TIMELESS: variants seen among roughly 807,000 people sequenced by gnomAD.
TIMELESS encodes the protein protein timeless homolog.
Under a neutral mutation model 164.3 loss-of-function variants are expected in TIMELESS, and 124 were observed. The ratio of observed to expected loss-of-function variants is 0.75; its 90% CI spans 0.65 to 0.88. TIMELESS has a LOEUF of 0.88. Ranked by LOEUF, TIMELESS falls within the 40% of genes least tolerant of loss-of-function variation. The probability of loss-of-function intolerance (pLI) is 0.00; values close to 1 mark genes in which losing one functional copy is unlikely to be tolerated. For missense variants in TIMELESS, 1,422 were observed against 1,491.4 expected (o/e 0.95, Z 0.77); for synonymous variants, 564 against 563.4 (o/e 1.00, Z -0.02).
chr12:56,425,662 G>A (rs1261007775), intron 13 of TIMELESS, among the ~76,000 whole-genome samples: 2 of 152,072 alleles, frequency 1.3e-5, no homozygotes, highest in African/African-American at 4.8e-5. Context: ...ATCGCTTGAG[G>A]TCAGGAGTTC....
At position 56,416,596 on chromosome 12, in the gene TIMELESS, C is replaced by G. The variant is rs553071747; in HGVS notation, c.*1120G>C. ...AGCTGGCTTCTCTTCCTTTATGGCTCCTCCTTCTTCCTGCCGCATACTCTT... is the reference window on the plus strand; with the variant it reads ...AGCTGGCTTCTCTTCCTTTATGGCTGCTCCTTCTTCCTGCCGCATACTCTT... On this transcript the variant is annotated 3_prime_UTR_variant, in exon 29 of 29. Coordinates refer to ENST00000553532, the MANE Select transcript of TIMELESS (RefSeq NM_003920.5). The G allele has an allele frequency of 5.3e-5, 8 of 152,346 alleles. No homozygotes were observed. In the East Asian group the frequency reaches 1.5e-3, roughly 29 times the overall value. The allele number at this position is 152,346 out of a possible 1,614,324, so 9.4% of individuals were successfully genotyped here. A position where few individuals can be genotyped will look rare whatever the true frequency, so the allele number is the denominator to read the frequency against.
chr12:56,417,732 T>A lies in TIMELESS; in HGVS notation c.3611A>T (p.Asp1204Val). ...IQKKKRYQIEDDEDD is the reference protein window; with the variant it reads ...IQKKKRYQIEVDEDD ...CTTAGCTCTTCAGTCATCCTCATCA[T>A]CCTCAATCTGGTATCGTTTCTTCTT... Residue 1204 changes from aspartate to valine, a missense_variant, in exon 29 of 29, where the codon GAT (aspartate) becomes GTT (valine). By Grantham distance (152) the Asp-to-Val change is radical. Transcript: ENST00000553532. 6.2e-7 allele frequency: 1 copy of A among 1,614,184 alleles called. No individual in the cohort carries two copies. The highest frequency in any genetic ancestry group is 8.5e-7 in the Non-Finnish European group (1 of 1,180,030).
rs775047421 is a variant in TIMELESS, at chr12:56,420,616, G to T, written c.3181C>A (p.Gln1061Lys). Residue 1061 changes from glutamine (Q) to lysine (K), a missense_variant, in exon 26 of 29, where the codon CAG becomes AAG. Transcript: ENST00000553532. ...NEEAMENEQF[Q>K]QLLRKLGVRP... ...ACCCCTAGCTTGCGCAACAGCTGCT[G>T]AAACTGTTCGTTTTCCATGGCTTCC... 1.2e-6 allele frequency: 2 copies of T among 1,614,250 alleles called. No individual in the cohort carries two copies. Among genetic ancestry groups the T allele is most frequent in the Non-Finnish European group, 1.7e-6 (2 of 1,180,050 alleles).
chr12:56,434,126 A>G lies in TIMELESS; in HGVS notation c.45T>C (p.Ser15=). Residue 15 remains serine (S), a synonymous_variant, in exon 2 of 29, where the codon AGT becomes AGC. Transcript: ENST00000553532. ...MMNCELLATC[S]ALGYLEGDTY... is the part of the protein sequence containing the mutation. The stretch of plus-strand genomic sequence containing the variant: ...TGTCTCCCTCCAAGTACCCAAGGGC[A>G]CTACATGTGGCTAGAAGTTCACAGT... 2.5e-6 allele frequency: 4 copies of G among 1,614,226 alleles called. No homozygotes were observed. Among genetic ancestry groups the G allele is most frequent in the Non-Finnish European group, 3.4e-6 (4 of 1,180,048 alleles).
rs762555654 is a variant in TIMELESS, at chr12:56,422,840, A to C, written c.2438+7T>G. 1.1e-4 allele frequency: 177 copies of C among 1,597,046 alleles called. 1 individual carries two copies. Among genetic ancestry groups the C allele is most frequent in the Non-Finnish European group, 1.5e-4 (171 of 1,170,174 alleles). The stretch of plus-strand genomic sequence containing the variant: ...CCCCACCCACCCTTTGCCAACTTCA[A>C]GCTCACCTGTCATCCAGGGAGCCAT... On this transcript the variant is annotated splice_region_variant and intron_variant, in intron 19 of 28. Coordinates refer to ENST00000553532, the MANE Select transcript of TIMELESS (RefSeq NM_003920.5).
intron 1 of TIMELESS, among the ~76,000 whole-genome samples, chr12:56,434,958 C>T (rs1882021837): frequency 6.6e-6 from 1 of 152,210 alleles, no homozygotes; most frequent in South Asian, 2.1e-4. Context: ...GAGAGGACTA[C>T]TTGCGCCTAG....
Position 56,421,145 on chromosome 12 carries a change from T to C in TIMELESS, c.2869-11A>G, listed in dbSNP as rs577913003. 28 of 1,613,296 alleles carry C rather than the reference T, an allele frequency of 1.7e-5. No homozygotes were observed. Among genetic ancestry groups the C allele is most frequent in the African/African-American group, 6.7e-5 (5 of 74,750 alleles). On this transcript the variant is annotated splice_polypyrimidine_tract_variant and intron_variant, in intron 23 of 28. Transcript: ENST00000553532. ...CTCCGCTCCATTTGGCTAAAATTCA[T>C]TGGGGGTTGGGGGAATGAAAATGAA...
rs1452572930 is a variant in TIMELESS at position 56,432,518 on chromosome 12, C to T, written c.538G>A (p.Asp180Asn). 2 of 1,613,626 alleles carry T rather than the reference C, an allele frequency of 1.2e-6. No homozygotes were observed. Among genetic ancestry groups the T allele is most frequent in the Non-Finnish European group, 1.7e-6 (2 of 1,179,914 alleles). Residue 180 changes from aspartate (D) to asparagine (N), a missense_variant, in exon 7 of 29, where the codon GAT (aspartate) becomes AAT (asparagine). Physicochemically the swap from Asp to Asn is conservative, Grantham distance 23. Coordinates refer to ENST00000553532, the MANE Select transcript of TIMELESS (RefSeq NM_003920.5). ...TGGTCATGGGCACTGGCGTCATCATCAATCTTCTGAGCAGTGAGTGGTGAG... is the reference window on the plus strand; with the variant it reads ...TGGTCATGGGCACTGGCGTCATCATTAATCTTCTGAGCAGTGAGTGGTGAG... ...PADLDQEKKI[D>N]DDASAHDQLL...
intron 1 of TIMELESS, among the ~76,000 whole-genome samples, chr12:56,439,430 G>A (rs1882182580): frequency 6.8e-6 from 1 of 146,236 alleles, no homozygotes; most frequent in African/African-American, 2.5e-5. Context: ...GTCTCACTCT[G>A]TTGACCAGCC....
rs1177522615 is a variant in TIMELESS, at chr12:56,423,645, C to T, written c.2029G>A (p.Glu677Lys). The T allele has an allele frequency of 1.9e-6, 3 of 1,613,920 alleles. No individual in the cohort carries two copies. The highest frequency in any genetic ancestry group is 2.5e-6 in the Non-Finnish European group (3 of 1,179,990). ...GACACCTGGACCACTTGCAACTCCT[C>T]CTCTTCCTCCTCCTCCTCCTCTTCT... ...EEEEEEEEEEEELQVVQVSEK... is the reference protein window; with the variant it reads ...EEEEEEEEEEKELQVVQVSEK... Residue 677 changes from glutamate to lysine, a missense_variant, in exon 17 of 29, where the codon GAG becomes AAG. By Grantham distance (56) the Glu-to-Lys change is moderately conservative. Transcript: ENST00000553532.
At position 56,420,931 on chromosome 12, in the gene TIMELESS, C is replaced by T. The variant is rs369088775; in HGVS notation, c.3040+32G>A. 2.5e-5 allele frequency: 41 copies of T among 1,613,952 alleles called. No individual in the cohort carries two copies. The African/African-American group carries it at 3.6e-4, about 14-fold the overall frequency. On this transcript the variant is annotated intron_variant, in intron 24 of 28. Transcript: ENST00000553532. ...TTTGACCCTACTCCCAAGCCCTCCA[C>T]CTGAGACATCTCTCCCAGCCAAAGT... is the stretch of plus-strand genomic sequence containing the variant.
In TIMELESS at chr12:56,423,646, C is replaced by T. The variant is rs766970607; in HGVS notation, c.2028G>A (p.Glu676=). The T allele has an allele frequency of 3.1e-6, 5 of 1,613,568 alleles. No individual in the cohort carries two copies. In the South Asian group the frequency reaches 4.4e-5, roughly 14 times the overall value. Residue 676 remains glutamate (E), a synonymous_variant, in exon 17 of 29, where the codon GAG becomes GAA. Transcript: ENST00000553532. ...ACACCTGGACCACTTGCAACTCCTC[C>T]TCTTCCTCCTCCTCCTCCTCTTCTT... The part of the protein sequence containing the change: ...EEEEEEEEEE[E]EELQVVQVSE...
In TIMELESS at chr12:56,423,345, G is replaced by C; in HGVS notation, c.2221C>G (p.Leu741Val). ...RLAHDLKMEA[L>V]LFQLSVFCLF... is the part of the protein sequence containing the mutation. Reference sequence around the variant, plus strand: ...CAGAAGACTGACAGCTGAAAAAGTAGGGCTTCCATTTTGAGGTCATGGGCC... The same window carrying C: ...CAGAAGACTGACAGCTGAAAAAGTACGGCTTCCATTTTGAGGTCATGGGCC... Residue 741 changes from leucine to valine, a missense_variant, in exon 18 of 29, where the codon CTA (leucine) becomes GTA (valine). Coordinates refer to ENST00000553532, the MANE Select transcript of TIMELESS (RefSeq NM_003920.5). 6.2e-7 allele frequency: 1 copy of C among 1,614,002 alleles called. No individual in the cohort carries two copies. The highest frequency in any genetic ancestry group is 1.3e-5 in the African/African-American group (1 of 74,908).
intron 6 of TIMELESS, 74 bp from the exon 7 acceptor site, chr12:56,432,598 A>G: frequency 6.4e-7 from 1 of 1,556,206 alleles, no homozygotes. Flanking sequence ...TCTCCAACTC[A>G]TTCTTTGACC....
chr12:56,422,751 C>A, intron 19 of TIMELESS, 96 bp downstream of exon 19: 1 of 1,351,370 alleles, frequency 7.4e-7, no homozygotes. Context: ...AAACAGTGGG[C>A]TAAATGACAT....
intron 5 of TIMELESS, 120 bp from the exon 6 acceptor site, chr12:56,433,247 T>C: frequency 7.2e-7 from 1 of 1,384,040 alleles, no homozygotes; most frequent in South Asian, 1.2e-5. Context: ...CAAACAGTAC[T>C]GAGGCAGCCA....
intron 1 of TIMELESS, among the ~76,000 whole-genome samples, chr12:56,447,464 T>C (rs943133727): frequency 2.0e-5 from 3 of 152,128 alleles, no homozygotes; most frequent in Non-Finnish European, 4.4e-5. Flanking sequence ...GGAGAAGAGT[T>C]TGGAGCTAAA....
chr12:56,448,430 CA>C (rs202011223), intron 1 of TIMELESS, among the ~76,000 whole-genome samples: 1 of 134,200 alleles, frequency 7.5e-6, no homozygotes, highest in Admixed American at 7.8e-5. Flanking sequence ...ACAAAACAAC[CA>C]AAAAAAACAA....
At position 56,433,850 on chromosome 12, in the gene TIMELESS, G is replaced by C. The variant is rs1379728360; in HGVS notation, c.174C>G (p.Ala58=). The change falls in exon 3 of 29, where the codon GCC becomes GCG. Residue 58 remains alanine (A), a synonymous_variant. Transcript: ENST00000553532. ...TRDVRQQLGA[A]QILQSDLLPI... ...GCAGAAGGTCGCTCTGTAGGATCTG[G>C]GCTGCCCCCAGCTGCTGCCGCACAT... The C allele has an allele frequency of 6.2e-7, 1 of 1,614,150 alleles. No homozygotes were observed. Among genetic ancestry groups the C allele is most frequent in the Admixed American group, 1.7e-5 (1 of 60,024 alleles).
Sources: gnomAD v4.1 joint callset for allele counts (sites outside exome capture counted in the v4.1 genomes callset) on GRCh38, gnomAD v4.1.1 for gene constraint, MANE v1.5 for transcripts, NCBI Gene and HGNC (gene_info 2026-07-23, HGNC 2026-07-21) for gene names.